The following PLCB4 variants were observed in gnomAD, a reference collection of about 807,000 sequenced individuals.
PLCB4 encodes 1-phosphatidylinositol 4,5-bisphosphate phosphodiesterase beta-4.
A neutral mutation model predicts 178.8 loss-of-function variants in PLCB4; 77 were observed. The observed-to-expected ratio is 0.43, with a 90% confidence interval of 0.36 to 0.52. PLCB4 has a LOEUF of 0.52. Ranked by LOEUF, PLCB4 falls within the 20% of genes least tolerant of loss-of-function variation. PLCB4 has a pLI of 0.00. For missense variants in PLCB4, 1,024 were observed against 1,453.4 expected (o/e 0.70, Z 4.80); for synonymous variants, 496 against 490.8 (o/e 1.01, Z -0.14).
At chr20:9,371,445 T>C (rs1401308977) in intron 10 of PLCB4, 150 bp downstream of exon 10, 1 of 427,522 alleles carries the variant, frequency 2.3e-6, no homozygotes, top group African/African-American at 2.0e-5. Context: ...TTTCTTTTCT[T>C]TCTTCTTCCT....
intron 3 of PLCB4, among the ~76,000 whole-genome samples, chr20:9,276,348 A>T (rs910327909): frequency 1.3e-5 from 2 of 152,050 alleles, no homozygotes; most frequent in African/African-American, 4.8e-5. Context: ...CCCAGATGCG[A>T]TACAGCTACT....
chr20:9,334,932 G>A (rs1367608281), intron 4 of PLCB4, among the ~76,000 whole-genome samples: 1 of 152,052 alleles, frequency 6.6e-6, no homozygotes, highest in African/African-American at 2.4e-5. Context: ...TTGTATTTAA[G>A]GAGGCCAAGG....
chr20:9,238,047 T>C (rs1402649705), intron 3 of PLCB4, among the ~76,000 whole-genome samples: 1 of 152,038 alleles, frequency 6.6e-6, no homozygotes, highest in African/African-American at 2.4e-5. Context: ...TGGTTAGGGA[T>C]AGGGACTGCG....
chr20:9,447,193 G>C (rs1277972152), intron 32 of PLCB4, among the ~76,000 whole-genome samples: 1 of 152,062 alleles, frequency 6.6e-6, no homozygotes, highest in Non-Finnish European at 1.5e-5. Flanking sequence ...GCTTTTGCAG[G>C]GTAACAAACC....
At chr20:9,476,372 T>C (rs2044542843) in intron 38 of PLCB4, among the ~76,000 whole-genome samples, 1 of 152,190 alleles carries the variant, frequency 6.6e-6, no homozygotes, top group South Asian at 2.1e-4. Context: ...TCCATTACTG[T>C]CACACACTCG....
At chr20:9,091,507 A>G (rs2090676952) in intron 1 of PLCB4, among the ~76,000 whole-genome samples, 2 of 151,902 alleles carry the variant, frequency 1.3e-5, no homozygotes, top group Non-Finnish European at 2.9e-5. Context: ...GAAATGTGAG[A>G]GCTGACTTTC....
At chr20:9,102,981 A>G (rs1600418820) in intron 2 of PLCB4, among the ~76,000 whole-genome samples, 1 of 145,328 alleles carries the variant, frequency 6.9e-6, no homozygotes, top group Non-Finnish European at 1.5e-5. Flanking sequence ...ACATATACTC[A>G]CTCCTACTGC....
intron 2 of PLCB4, among the ~76,000 whole-genome samples, chr20:9,203,056 A>AAAAAAAAAAATATATATATATATATAT (rs769628056): frequency 7.9e-6 from 1 of 126,162 alleles, no homozygotes; most frequent in African/African-American, 3.3e-5. Flanking sequence ...AAAAAAAAAA[A>AAAAAAAAAAATATATATATATATATAT]ATATATATAT....
chr20:9,457,927 A>G (rs1456440572), intron 34 of PLCB4, among the ~76,000 whole-genome samples: 1 of 152,178 alleles, frequency 6.6e-6, no homozygotes, highest in African/African-American at 2.4e-5. Context: ...TTAAGAGCTG[A>G]TATTCTAAAA....
At chr20:9,401,620 A>T in intron 20 of PLCB4, 30 bp downstream of exon 20, 1 of 1,393,684 alleles carries the variant, frequency 7.2e-7, no homozygotes, top group Non-Finnish European at 1.0e-6. Flanking sequence ...CATCACTCTC[A>T]AGAGGTAGCA....
chr20:9,386,140 G>A (rs996611475), intron 14 of PLCB4, among the ~76,000 whole-genome samples: 1 of 152,038 alleles, frequency 6.6e-6, no homozygotes, highest in African/African-American at 2.4e-5. Flanking sequence ...GCAATCCCAG[G>A]CACTTGGCAG....
chr20:9,251,759 T>A (rs1338763876), intron 3 of PLCB4, among the ~76,000 whole-genome samples: 1 of 152,200 alleles, frequency 6.6e-6, no homozygotes, highest in Non-Finnish European at 1.5e-5. Flanking sequence ...TTCCCTTTGA[T>A]CTTGACCAAT....
chr20:9,378,828 A>C (rs1225624857), intron 12 of PLCB4, among the ~76,000 whole-genome samples: 1 of 152,132 alleles, frequency 6.6e-6, no homozygotes, highest in Admixed American at 6.6e-5. Context: ...CCCCATATGC[A>C]TGAGGAAATG....
At chr20:9,358,734 G>C (rs1393900807) in intron 7 of PLCB4, among the ~76,000 whole-genome samples, 1 of 151,714 alleles carries the variant, frequency 6.6e-6, no homozygotes, top group South Asian at 2.1e-4. Flanking sequence ...TCTCTACTAA[G>C]AGTACAAAAA....
intron 2 of PLCB4, among the ~76,000 whole-genome samples, chr20:9,196,478 G>A (rs890553930): frequency 6.6e-6 from 1 of 152,146 alleles, no homozygotes; most frequent in Non-Finnish European, 1.5e-5. Flanking sequence ...GTGACAGATG[G>A]TTGTTGCTTC....
intron 2 of PLCB4, among the ~76,000 whole-genome samples, chr20:9,203,794 T>G (rs994070009): frequency 3.3e-4 from 47 of 143,962 alleles, no homozygotes; most frequent in African/African-American, 1.0e-3. Flanking sequence ...TTTTTTTTTT[T>G]TTTTTTTTTC....
intron 24 of PLCB4, 138 bp from the exon 25 acceptor site, chr20:9,410,899 G>T: frequency 1.6e-6 from 1 of 625,836 alleles, no homozygotes; most frequent in Non-Finnish European, 2.8e-6. Context: ...GCCTTAAATA[G>T]ACCAAGCAGA....
chr20:9,418,084 A>G (rs1221685993), intron 25 of PLCB4, among the ~76,000 whole-genome samples: 1 of 152,134 alleles, frequency 6.6e-6, no homozygotes. Flanking sequence ...GCCTCTAATC[A>G]GATATATGAA....
At chr20:9,126,022 A>G (rs2092104330) in intron 2 of PLCB4, among the ~76,000 whole-genome samples, 1 of 152,024 alleles carries the variant, frequency 6.6e-6, no homozygotes, top group Non-Finnish European at 1.5e-5. Context: ...GTGTGTATGC[A>G]TGTATGTGTG....
Sources: gnomAD v4.1 joint callset for allele counts (sites outside exome capture counted in the v4.1 genomes callset) on GRCh38, gnomAD v4.1.1 for gene constraint, MANE v1.5 for transcripts, NCBI Gene and HGNC (gene_info 2026-07-23, HGNC 2026-07-21) for gene names.